Variants in CTNNA2 observed in about 807,000 individuals in gnomAD.
The protein encoded by CTNNA2 is catenin alpha-2.
In CTNNA2, 42 loss-of-function variants were observed where a neutral mutation model predicts 101.0. That is an observed-to-expected ratio of 0.42 (90% CI 0.32 to 0.54). CTNNA2 has a LOEUF of 0.54. Ranked by LOEUF, CTNNA2 falls within the 20% of genes least tolerant of loss-of-function variation. CTNNA2 has a pLI of 0.14. For synonymous variants in CTNNA2, 450 were observed against 456.4 expected, an observed-to-expected ratio of 0.99 and a Z score of 0.18; for missense variants, 871 against 1,223.1, an observed-to-expected ratio of 0.71 and a Z score of 4.29.
At chr2:80,548,492 T>A (rs1444465172) in intron 11 of CTNNA2, among the ~76,000 whole-genome samples, 1 of 152,146 alleles carries the variant, frequency 6.6e-6, no homozygotes, top group Non-Finnish European at 1.5e-5. Context: ...GCCTCTTTGC[T>A]CCCTTTTCTC....
intron 9 of CTNNA2, among the ~76,000 whole-genome samples, chr2:80,425,106 G>A (rs747348491): frequency 5.3e-5 from 8 of 152,270 alleles, no homozygotes; most frequent in Middle Eastern, 3.4e-3. Flanking sequence ...AGTGACAGGC[G>A]GAAGGTTAGG....
At chr2:79,712,587 A>G (rs1300819338) in intron 2 of CTNNA2, among the ~76,000 whole-genome samples, 3 of 152,204 alleles carry the variant, frequency 2.0e-5, no homozygotes, top group African/African-American at 7.2e-5. Context: ...AACAAATGAA[A>G]GAGTGTAAAT....
At chr2:80,309,422 C>T (rs1348792595) in intron 7 of CTNNA2, among the ~76,000 whole-genome samples, 1 of 152,132 alleles carries the variant, frequency 6.6e-6, no homozygotes, top group African/African-American at 2.4e-5. Context: ...TGGTCCTGTT[C>T]ACTTTATATG....
intron 9 of CTNNA2, among the ~76,000 whole-genome samples, chr2:80,511,944 A>G (rs936880024): frequency 6.6e-6 from 1 of 152,048 alleles, no homozygotes; most frequent in Non-Finnish European, 1.5e-5. Flanking sequence ...TGAGGTCAGG[A>G]GTTCAAGACC....
chr2:79,869,585 T>G (rs182016858), intron 4 of CTNNA2, among the ~76,000 whole-genome samples: 140 of 152,360 alleles, frequency 9.2e-4, no homozygotes, highest in Admixed American at 2.5e-3. Context: ...GGATTTTATA[T>G]GCACCAGGAG....
chr2:79,526,364 A>G (rs1404199524), intron 1 of CTNNA2, among the ~76,000 whole-genome samples: 2 of 152,074 alleles, frequency 1.3e-5, no homozygotes, highest in African/African-American at 4.8e-5. Flanking sequence ...ATGGAAATAT[A>G]TGTATGTTCA....
chr2:80,529,127 A>G (rs1690298637), intron 9 of CTNNA2, among the ~76,000 whole-genome samples: 1 of 152,194 alleles, frequency 6.6e-6, no homozygotes, highest in Admixed American at 6.5e-5. Context: ...CAAACACCAG[A>G]GTAGTTTTTA....
At chr2:80,438,707 A>G (rs984793998) in intron 9 of CTNNA2, among the ~76,000 whole-genome samples, 1 of 148,224 alleles carries the variant, frequency 6.7e-6, no homozygotes, top group Non-Finnish European at 1.5e-5. Context: ...AGGCTGTTGC[A>G]GTGAGTCGAG....
At chr2:80,554,037 T>C (rs193011569) in intron 11 of CTNNA2, among the ~76,000 whole-genome samples, 259 of 152,320 alleles carry the variant, frequency 1.7e-3, no homozygotes, top group Middle Eastern at 6.8e-3. Context: ...AAATGGAGAA[T>C]GTAGAAATCA....
At chr2:79,744,677 A>T (rs1299814106) in intron 3 of CTNNA2, 95 bp downstream of exon 3, 2 of 1,218,572 alleles carry the variant, frequency 1.6e-6, no homozygotes, top group Non-Finnish European at 2.2e-6. Flanking sequence ...CTCAAAGAAG[A>T]AGTCTTACGT....
At chr2:79,717,444 A>C (rs995804855) in intron 2 of CTNNA2, among the ~76,000 whole-genome samples, 1 of 152,130 alleles carries the variant, frequency 6.6e-6, no homozygotes, top group Admixed American at 6.5e-5. Context: ...TGCTAAAGGA[A>C]GTGTGGTTCA....
intron 18 of CTNNA2, among the ~76,000 whole-genome samples, chr2:80,628,006 A>G (rs1671863346): frequency 6.6e-6 from 1 of 152,150 alleles, no homozygotes. Flanking sequence ...GTGAACTCCC[A>G]TTCACAATTG....
chr2:79,735,884 G>T (rs1490655625), intron 2 of CTNNA2, among the ~76,000 whole-genome samples: 1 of 152,058 alleles, frequency 6.6e-6, no homozygotes, highest in Non-Finnish European at 1.5e-5. Context: ...ATTCTCTGGG[G>T]TTTTTTCCTC....
chr2:80,321,245 G>GA (rs147289115), intron 7 of CTNNA2, among the ~76,000 whole-genome samples: 3,312 of 150,914 alleles, frequency 0.022, 110 homozygotes, highest in African/African-American at 0.067. Flanking sequence ...AGGCCTCCTG[G>GA]AAAAAAAAAG....
rs544742949 is a variant in CTNNA2, at chr2:79,378,739, A to G, written c.-135+4726A>G. 2.8e-4 allele frequency among the ~76,000 whole-genome samples: 43 copies of G among 152,294 alleles called. No individual in the cohort carries two copies. The South Asian group carries it at 8.7e-3, about 31-fold the overall frequency. On this transcript the variant is annotated intron_variant, in intron 4 of 21. Transcript: ENST00000466387. The stretch of plus-strand genomic sequence containing the variant: ...GGTGCTTACATGAAGCAGAATGCCC[A>G]AATAACCATTTATAATGGAAAAAAA...
intron 17 of CTNNA2, among the ~76,000 whole-genome samples, chr2:80,615,018 T>A (rs1416292268): frequency 1.3e-5 from 2 of 151,384 alleles, no homozygotes. Context: ...ACCCCAGGAA[T>A]TCCTGGACTG....
At chr2:80,493,271 A>G (rs1205938314) in intron 9 of CTNNA2, among the ~76,000 whole-genome samples, 1 of 152,156 alleles carries the variant, frequency 6.6e-6, no homozygotes, top group Admixed American at 6.6e-5. Flanking sequence ...GCCTCCAGAG[A>G]GGCTTTGTAA....
chr2:80,453,819 G>A (rs908444969), intron 9 of CTNNA2, among the ~76,000 whole-genome samples: 2 of 152,086 alleles, frequency 1.3e-5, no homozygotes, highest in Non-Finnish European at 2.9e-5. Context: ...CTCCACCCCC[G>A]TGTTTTTCTT....
chr2:79,366,912 G>A (rs1211795608), intron 3 of CTNNA2, among the ~76,000 whole-genome samples: 2 of 152,128 alleles, frequency 1.3e-5, no homozygotes, highest in Non-Finnish European at 2.9e-5. Context: ...GGGTGGTATG[G>A]GACGGTCTCA....
Sources: allele counts gnomAD v4.1 joint callset (sites outside exome capture counted in the v4.1 genomes callset), GRCh38; gene constraint gnomAD v4.1.1; transcripts MANE v1.5; gene names NCBI Gene and HGNC (gene_info 2026-07-23, HGNC 2026-07-21).